Variants in SLC5A4 observed in about 807,000 individuals in gnomAD.
SLC5A4 encodes the protein solute carrier family 5 member 4.
A neutral mutation model predicts 70.3 loss-of-function variants in SLC5A4; 55 were observed. The ratio of observed to expected loss-of-function variants is 0.78; its 90% CI spans 0.63 to 0.98. SLC5A4 has a LOEUF of 0.98. Ranked by LOEUF, SLC5A4 falls within the 50% of genes least tolerant of loss-of-function variation. The probability of loss-of-function intolerance (pLI) is 0.00; values close to 1 mark genes in which losing one functional copy is unlikely to be tolerated. For synonymous variants in SLC5A4, 268 were observed against 305.7 expected (o/e 0.88, Z 1.29); for missense variants, 735 against 839.2 (o/e 0.88, Z 1.53).
the SLC5A4 span, among the ~76,000 whole-genome samples, chr22:32,335,234 G>A: frequency 3.4e-4 from 52 of 152,088 alleles, no homozygotes; most frequent in African/African-American, 1.1e-3. Context: ...AGCCGCTTCC[G>A]CCTCCCACGT....
At chr22:32,347,022 AC>A in the SLC5A4 span, among the ~76,000 whole-genome samples, 31 of 152,232 alleles carry the variant, frequency 2.0e-4, no homozygotes, top group African/African-American at 7.2e-4. Context: ...AAAACAAACA[AC>A]CCCATCAAAA....
At chr22:32,312,986 G>A in the SLC5A4 span, among the ~76,000 whole-genome samples, 22 of 152,066 alleles carry the variant, frequency 1.4e-4, no homozygotes, top group East Asian at 3.9e-4. Flanking sequence ...GACTGGAAGC[G>A]AGACAAAAAT....
At chr22:32,222,708 C>T (rs1925154602) in intron 13 of SLC5A4, among the ~76,000 whole-genome samples, 2 of 152,102 alleles carry the variant, frequency 1.3e-5, no homozygotes, top group South Asian at 2.1e-4. Flanking sequence ...TTGAGCTGTG[C>T]TGTATTTCAG....
the SLC5A4 span, among the ~76,000 whole-genome samples, chr22:32,293,326 G>T: frequency 2.6e-5 from 4 of 151,864 alleles, no homozygotes; most frequent in Non-Finnish European, 5.9e-5. Context: ...TAATGATGTG[G>T]TTTTTTTGGT....
At chr22:32,331,120 CGAGGCTCTGGTGTGTCTGTGTGTTG>C in the SLC5A4 span, among the ~76,000 whole-genome samples, 11,414 of 86,670 alleles carry the variant, frequency 0.13, 721 homozygotes, top group Middle Eastern at 0.2. Context: ...TGTGTGTGTT[CGAGGCTCTGGTGTGTCTGTGTGTTG>C]GAGGCTCTGG....
chr22:32,347,647 C>A, the SLC5A4 span, among the ~76,000 whole-genome samples: 1 of 132,982 alleles, frequency 7.5e-6, no homozygotes, highest in Non-Finnish European at 1.5e-5. Context: ...TAGATGGGAA[C>A]TGAACAATGA....
chr22:32,302,721 T>C, the SLC5A4 span, among the ~76,000 whole-genome samples: 1 of 152,176 alleles, frequency 6.6e-6, no homozygotes, highest in Non-Finnish European at 1.5e-5. Flanking sequence ...TTGATTGTTA[T>C]AGCTATATAA....
chr22:32,307,790 T>C, the SLC5A4 span, among the ~76,000 whole-genome samples: 1 of 152,202 alleles, frequency 6.6e-6, no homozygotes. Flanking sequence ...AGTGATGTAC[T>C]CCTGGACTGC....
chr22:32,319,239 G>A, the SLC5A4 span, among the ~76,000 whole-genome samples: 481 of 151,978 alleles, frequency 3.2e-3, 3 homozygotes, highest in African/African-American at 0.011. Context: ...GACTCACACT[G>A]GAACTCACAC....
chr22:32,271,717 C>T, the SLC5A4 span: 2 of 576,136 alleles, frequency 3.5e-6, no homozygotes, highest in Non-Finnish European at 6.5e-6. Flanking sequence ...GCCCTGTCAA[C>T]TCTTTCGCTC....
chr22:32,337,912 C>CTG, the SLC5A4 span, among the ~76,000 whole-genome samples: 32,635 of 152,136 alleles, frequency 0.21, 3,962 homozygotes, highest in East Asian at 0.47. Context: ...TGTATTACCT[C>CTG]TGTTCAATAC....
chr22:32,244,661 G>A (rs1242329241), intron 5 of SLC5A4, among the ~76,000 whole-genome samples: 1 of 152,068 alleles, frequency 6.6e-6, no homozygotes, highest in African/African-American at 2.4e-5. Context: ...CAAAGTAGCT[G>A]GGACAATAAA....
chr22:32,228,403 A>T (rs1316971940), intron 11 of SLC5A4, among the ~76,000 whole-genome samples: 1 of 151,932 alleles, frequency 6.6e-6, no homozygotes, highest in African/African-American at 2.4e-5. Context: ...TTATCTGGGC[A>T]TGGTGGCGGG....
the SLC5A4 span, among the ~76,000 whole-genome samples, chr22:32,329,642 GGTGTGTGTTGGGGGCTCTGGTGT>G: frequency 1.1e-4 from 9 of 79,918 alleles, no homozygotes; most frequent in Non-Finnish European, 1.7e-4. Flanking sequence ...AGGGCTCTGG[GGTGTGTGTTGGGGGCTCTGGTGT>G]GTGTGTGTTG....
the SLC5A4 span, among the ~76,000 whole-genome samples, chr22:32,274,233 G>T: frequency 6.6e-6 from 1 of 151,836 alleles, no homozygotes; most frequent in Non-Finnish European, 1.5e-5. Context: ...GTAGAGACGG[G>T]GTTTCACTGT....
chr22:32,248,824 G>C, intron 3 of SLC5A4, 22 bp from the exon 4 acceptor site: 15 of 1,534,616 alleles, frequency 9.8e-6, no homozygotes, highest in Non-Finnish European at 1.4e-5. Context: ...CAAAATAAGA[G>C]ACAGTGAGAC....
chr22:32,316,455 T>G, the SLC5A4 span, among the ~76,000 whole-genome samples: 1 of 151,996 alleles, frequency 6.6e-6, no homozygotes, highest in African/African-American at 2.4e-5. Flanking sequence ...ATGTACCAAA[T>G]AGCATAGCCT....
chr22:32,240,376 G>C (rs561367281), intron 5 of SLC5A4, among the ~76,000 whole-genome samples: 1 of 151,994 alleles, frequency 6.6e-6, no homozygotes, highest in African/African-American at 2.4e-5. Context: ...TACACTGTTT[G>C]GCTCAGCATA....
the SLC5A4 span, among the ~76,000 whole-genome samples, chr22:32,261,718 C>T: frequency 6.6e-6 from 1 of 152,218 alleles, no homozygotes; most frequent in Non-Finnish European, 1.5e-5. Flanking sequence ...TTTTAATGTA[C>T]AATTAATATT....
Sources: allele counts gnomAD v4.1 joint callset (sites outside exome capture counted in the v4.1 genomes callset), GRCh38; gene constraint gnomAD v4.1.1; transcripts MANE v1.5; gene names NCBI Gene and HGNC (gene_info 2026-07-23, HGNC 2026-07-21).